CNNM1: variants seen among roughly 807,000 people sequenced by gnomAD.
The protein encoded by CNNM1 is metal transporter CNNM1.
A neutral mutation model predicts 78.8 loss-of-function variants in CNNM1; 44 were observed. The ratio of observed to expected loss-of-function variants is 0.56; its 90% CI spans 0.44 to 0.72. The LOEUF (loss-of-function observed/expected upper bound fraction) is 0.72, where lower values mean the gene tolerates loss of function less well. Among genes scored for constraint, CNNM1 ranks in the 30% least tolerant of loss-of-function variants. The pLI, the probability that CNNM1 is intolerant of heterozygous loss-of-function variation, is 0.00. For missense variants in CNNM1, 1,101 were observed against 1,292.2 expected, an observed-to-expected ratio of 0.85 and a Z score of 2.27; for synonymous variants, 584 against 581.5, an observed-to-expected ratio of 1.00 and a Z score of -0.06.
At chr10:99,371,537 T>C (rs1407612145) in intron 6 of CNNM1, among the ~76,000 whole-genome samples, 1 of 152,210 alleles carries the variant, frequency 6.6e-6, no homozygotes, top group African/African-American at 2.4e-5. Context: ...CTATTCATAA[T>C]GTGCACTGAG....
intron 2 of CNNM1, among the ~76,000 whole-genome samples, chr10:99,360,608 T>C (rs2031395502): frequency 6.6e-6 from 1 of 152,092 alleles, no homozygotes; most frequent in Non-Finnish European, 1.5e-5. Context: ...AAGCCTGCTT[T>C]CCCCTTTTTC....
rs1194782455 is a variant in CNNM1 at position 99,360,868 on chromosome 10, G to A, written c.1751G>A (p.Arg584Gln). ...DNRKKQRVPQ[R>Q]ERKRHDFSLF... ...CGGAAAAAGCAGAGGGTCCCGCAAC[G>A]GGAGCGGAAGCGGCATGACTTCTCC... Residue 584 changes from arginine to glutamine, a missense_variant, in exon 3 of 11, where the codon CGG becomes CAG. Coordinates refer to ENST00000356713, the MANE Select transcript of CNNM1 (RefSeq NM_020348.3). The A allele has an allele frequency of 6.2e-6, 10 of 1,611,620 alleles. No individual in the cohort carries two copies. The highest frequency in any genetic ancestry group is 2.2e-5 in the East Asian group (1 of 44,810).
At chr10:99,350,000 A>C (rs1482137097) in intron 1 of CNNM1, among the ~76,000 whole-genome samples, 2 of 152,148 alleles carry the variant, frequency 1.3e-5, no homozygotes, top group Non-Finnish European at 2.9e-5. Context: ...CTCAGTCTCA[A>C]AACAAAACAA....
chr10:99,359,004 C>CAAA lies in CNNM1; in HGVS notation c.1717+1381_1717+1383dup, dbSNP rs769541046. On this transcript the variant is annotated intron_variant, in intron 2 of 10. Transcript: ENST00000356713. The stretch of plus-strand genomic sequence containing the variant: ...CCTGGGTGACAGGGCAAGACTGTCT[C>CAAA]AAAAAAAAAAAAAAAAAAAAAAAAA... Among the ~76,000 whole-genome samples, 376 of 51,518 alleles carry CAAA rather than the reference C, an allele frequency of 7.3e-3. 25 individuals carry two copies. The highest frequency in any genetic ancestry group is 0.022 in the African/African-American group (313 of 14,154). 33.8% of individuals were successfully genotyped at this position (51,518 alleles called of 152,430 possible).
rs531758235 is a variant in CNNM1, at chr10:99,369,617, C to CT, written c.2176+4622dup. 7.9e-5 allele frequency among the ~76,000 whole-genome samples: 12 copies of CT among 152,254 alleles called. No homozygotes were observed. In the East Asian group the frequency reaches 1.9e-3, roughly 24 times the overall value. ...TGACTTCTGTTTTTTCCCAAAATCA[C>CT]TTTTTTTCATCAAAAACCATCTGGT... is the stretch of plus-strand genomic sequence containing the variant. On this transcript the variant is annotated intron_variant, in intron 6 of 10. Transcript: ENST00000356713.
rs769188413 is a variant in CNNM1 at position 99,357,666 on chromosome 10, G to A, written c.1717+11G>A. The A allele has an allele frequency of 7.6e-6, 12 of 1,589,104 alleles. No individual in the cohort carries two copies. Among genetic ancestry groups the A allele is most frequent in the South Asian group, 2.3e-5 (2 of 86,152 alleles). On this transcript the variant is annotated intron_variant, in intron 2 of 10. Coordinates refer to ENST00000356713, the MANE Select transcript of CNNM1 (RefSeq NM_020348.3). ...AAACTGATCTCTACAGTAAGTGCAC[G>A]GCCTTGGCTGTTCTCCAGGGTCATC...
In CNNM1 at chr10:99,388,002, G is replaced by A. The variant is rs149086964; in HGVS notation, c.2523G>A (p.Pro841=). Reference sequence around the variant, plus strand: ...TCCTCAACAACAGGAACAGCCTGCCGTGTAAGTCAGCTGGGCAGACGGGCA... The same window carrying A: ...TCCTCAACAACAGGAACAGCCTGCCATGTAAGTCAGCTGGGCAGACGGGCA... ...ITLLNNRNSL[P]CSRSDGLRSP... is the part of the protein sequence containing the mutation. The change falls in exon 8 of 11, where the codon CCG becomes CCA. Residue 841 remains proline (P), a splice_region_variant and synonymous_variant. Transcript: ENST00000356713. 9.4e-5 allele frequency: 149 copies of A among 1,586,096 alleles called. No homozygotes were observed. Among genetic ancestry groups the A allele is most frequent in the African/African-American group, 7.5e-4 (56 of 74,574 alleles).
At chr10:99,369,840 C>T (rs2031743130) in intron 6 of CNNM1, among the ~76,000 whole-genome samples, 2 of 152,176 alleles carry the variant, frequency 1.3e-5, no homozygotes, top group Non-Finnish European at 2.9e-5. Context: ...AAATGGTCTA[C>T]TCCTACATGC....
intron 1 of CNNM1, among the ~76,000 whole-genome samples, chr10:99,344,374 A>T (rs1430011785): frequency 2.0e-5 from 3 of 151,588 alleles, no homozygotes; most frequent in African/African-American, 7.3e-5. Flanking sequence ...TAGTGATACT[A>T]CATTGTGAGT....
rs544454637 is a variant in CNNM1, at chr10:99,355,260, C to T, written c.1574-2252C>T. Among the ~76,000 whole-genome samples, 8 of 120,634 alleles carry T rather than the reference C, an allele frequency of 6.6e-5. 1 individual carries two copies. The Middle Eastern group carries it at 0.021, about 323-fold the overall frequency. The allele number at this position is 120,634 out of a possible 152,430, so 79.1% of individuals were successfully genotyped here. ...CGGACACAGGAAGGGGAACATCACA[C>T]ACTGGGGCCTGTTGTGGGGTGGGGG... is the stretch of plus-strand genomic sequence containing the variant. On this transcript the variant is annotated intron_variant, in intron 1 of 10. Coordinates refer to ENST00000356713, the MANE Select transcript of CNNM1 (RefSeq NM_020348.3).
intron 1 of CNNM1, among the ~76,000 whole-genome samples, chr10:99,336,299 A>G (rs1284580523): frequency 6.6e-6 from 1 of 152,206 alleles, no homozygotes; most frequent in Non-Finnish European, 1.5e-5. Context: ...ACAATTACCT[A>G]CAGTATTTGG....
At chr10:99,381,558 A>C (rs536926503) in intron 7 of CNNM1, among the ~76,000 whole-genome samples, 1 of 152,124 alleles carries the variant, frequency 6.6e-6, no homozygotes, top group African/African-American at 2.4e-5. Context: ...TCTGGCCAAC[A>C]TGGCGAAACC....
At chr10:99,369,064 A>G (rs2031721358) in intron 6 of CNNM1, among the ~76,000 whole-genome samples, 1 of 152,136 alleles carries the variant, frequency 6.6e-6, no homozygotes, top group Non-Finnish European at 1.5e-5. Flanking sequence ...CTTTCCTTCC[A>G]TGTCCTCATC....
intron 1 of CNNM1, among the ~76,000 whole-genome samples, chr10:99,352,943 T>G (rs1271034134): frequency 2.0e-5 from 3 of 152,176 alleles, no homozygotes; most frequent in Admixed American, 6.5e-5. Flanking sequence ...TGTTTTTTTC[T>G]AAGAGTTTTA....
chr10:99,361,086 GAGA>G (rs1265144368), intron 3 of CNNM1, 111 bp downstream of exon 3: 5 of 1,192,484 alleles, frequency 4.2e-6, no homozygotes, highest in African/African-American at 3.1e-5. Context: ...TGTCAGGACT[GAGA>G]AGCACTGTTC....
intron 1 of CNNM1, among the ~76,000 whole-genome samples, chr10:99,331,874 C>T (rs747786399): frequency 3.9e-5 from 6 of 152,164 alleles, no homozygotes; most frequent in Non-Finnish European, 7.3e-5. Context: ...AACTTGCATA[C>T]CCAAATGAGT....
chr10:99,377,471 C>T, intron 7 of CNNM1: 1 of 328,056 alleles, frequency 3.0e-6, no homozygotes, highest in Non-Finnish European at 5.5e-6. Flanking sequence ...AGGCACAAAG[C>T]AATAGATTAG....
chr10:99,359,220 T>C (rs1445354127), intron 2 of CNNM1, among the ~76,000 whole-genome samples: 2 of 150,776 alleles, frequency 1.3e-5, no homozygotes, highest in African/African-American at 4.9e-5. Context: ...AATAATGCCA[T>C]GTTAAGTGGC....
chr10:99,356,600 G>GA lies in CNNM1; in HGVS notation c.1574-909dup, dbSNP rs144227322. ...AGAAAGAAAGAAAGAAAGAAAGAAA[G>GA]AAAGAAAAGAAAGAAAGAAAGAAAA... On this transcript the variant is annotated intron_variant, in intron 1 of 10. Transcript: ENST00000356713. Among the ~76,000 whole-genome samples, 927 of 129,200 alleles carry GA rather than the reference G, an allele frequency of 7.2e-3. 12 individuals carry two copies. The highest frequency in any genetic ancestry group is 0.021 in the East Asian group (96 of 4,536). The allele number at this position is 129,200 out of a possible 152,430, so 84.8% of individuals were successfully genotyped here. A position where few individuals can be genotyped will look rare whatever the true frequency, so the allele number is the denominator to read the frequency against.
Sources: allele counts gnomAD v4.1 joint callset (sites outside exome capture counted in the v4.1 genomes callset), GRCh38; gene constraint gnomAD v4.1.1; transcripts MANE v1.5; gene names NCBI Gene and HGNC (gene_info 2026-07-23, HGNC 2026-07-21).